The following ST6GAL1 variants were observed in gnomAD, a reference collection of about 807,000 sequenced individuals.
The protein encoded by ST6GAL1 is beta-galactoside alpha-2,6-sialyltransferase 1.
A neutral mutation model predicts 38.0 loss-of-function variants in ST6GAL1; 20 were observed. The observed-to-expected ratio is 0.53, with a 90% confidence interval of 0.37 to 0.77. The LOEUF is 0.77. ST6GAL1 is among the 30% of genes least tolerant of loss of function. The probability of loss-of-function intolerance (pLI) is 0.00; values close to 1 mark genes in which losing one functional copy is unlikely to be tolerated. For missense variants in ST6GAL1, 432 were observed against 496.4 expected (o/e 0.87, Z 1.23); for synonymous variants, 196 against 188.2 (o/e 1.04, Z -0.34).
At chr3:187,045,718 T>C (rs1718270443) in intron 4 of ST6GAL1, among the ~76,000 whole-genome samples, 1 of 152,244 alleles carries the variant, frequency 6.6e-6, no homozygotes. Flanking sequence ...TTGTGCCTCA[T>C]AATAATTGTA....
chr3:187,043,373 G>T (rs940565255), intron 4 of ST6GAL1, 63 bp downstream of exon 4: 2 of 1,557,634 alleles, frequency 1.3e-6, no homozygotes, highest in Non-Finnish European at 8.7e-7. Flanking sequence ...CATATTGATG[G>T]TATGGGAGAC....
intron 2 of ST6GAL1, among the ~76,000 whole-genome samples, chr3:186,991,339 T>C (rs1579302060): frequency 6.6e-6 from 1 of 152,132 alleles, no homozygotes; most frequent in East Asian, 1.9e-4. Context: ...GCTAATTCTC[T>C]GAAAGGTCAT....
At chr3:186,993,274 C>G (rs2108547034) in intron 2 of ST6GAL1, among the ~76,000 whole-genome samples, 1 of 152,348 alleles carries the variant, frequency 6.6e-6, no homozygotes. Context: ...TGATAGTTCA[C>G]TCTCAGAAAC....
At chr3:186,933,471 A>G (rs1397577179) in intron 1 of ST6GAL1, among the ~76,000 whole-genome samples, 1 of 152,236 alleles carries the variant, frequency 6.6e-6, no homozygotes, top group Non-Finnish European at 1.5e-5. Context: ...TACAAGCTAT[A>G]ATACAGTGAG....
At chr3:186,988,213 AGAC>A (rs1373531120) in intron 2 of ST6GAL1, among the ~76,000 whole-genome samples, 1 of 152,216 alleles carries the variant, frequency 6.6e-6, no homozygotes, top group African/African-American at 2.4e-5. Context: ...CTGTTCTCAT[AGAC>A]GACATGGTAA....
intron 2 of ST6GAL1, among the ~76,000 whole-genome samples, chr3:186,999,206 TC>T (rs1294331801): frequency 6.6e-6 from 1 of 152,132 alleles, no homozygotes; most frequent in Admixed American, 6.5e-5. Flanking sequence ...TAAGCCTCTG[TC>T]TAGGGCCGTG....
chr3:186,980,609 A>AG (rs1715665805), intron 2 of ST6GAL1, among the ~76,000 whole-genome samples: 1 of 150,246 alleles, frequency 6.7e-6, no homozygotes, highest in African/African-American at 2.4e-5. Context: ...ATTACAAAAA[A>AG]AAAAAAAAAA....
intron 1 of ST6GAL1, among the ~76,000 whole-genome samples, chr3:186,961,797 A>G (rs893893032): frequency 6.6e-6 from 1 of 152,206 alleles, no homozygotes; most frequent in Non-Finnish European, 1.5e-5. Flanking sequence ...AAGGAAGGAT[A>G]CAAGAGCTGG....
At chr3:187,051,223 C>G (rs758718624) in intron 4 of ST6GAL1, 26 bp from the exon 5 acceptor site, 2 of 1,608,854 alleles carry the variant, frequency 1.2e-6, no homozygotes, top group East Asian at 4.5e-5. Context: ...CTCATCACCT[C>G]TTTTCTGTTT....
chr3:187,058,530 T>A (rs992576095), intron 5 of ST6GAL1, among the ~76,000 whole-genome samples: 13 of 152,198 alleles, frequency 8.5e-5, no homozygotes, highest in African/African-American at 2.7e-4. Flanking sequence ...AATTTTTTTT[T>A]AAGAAAATCA....
chr3:186,981,577 A>C (rs187536182), intron 2 of ST6GAL1, among the ~76,000 whole-genome samples: 2 of 152,252 alleles, frequency 1.3e-5, no homozygotes, highest in African/African-American at 4.8e-5. Context: ...AAGGCACTTC[A>C]TTTTCCTCAG....
At chr3:187,063,568 G>A (rs1307430334) in intron 5 of ST6GAL1, among the ~76,000 whole-genome samples, 2 of 152,208 alleles carry the variant, frequency 1.3e-5, no homozygotes, top group African/African-American at 4.8e-5. Flanking sequence ...AGGATCTGGA[G>A]GTGAGCAGGC....
intron 4 of ST6GAL1, among the ~76,000 whole-genome samples, chr3:187,048,179 G>A (rs963642037): frequency 5.3e-5 from 8 of 152,032 alleles, no homozygotes; most frequent in Admixed American, 1.3e-4. Flanking sequence ...TCCTGACCTC[G>A]TGATCTGCCC....
intron 2 of ST6GAL1, among the ~76,000 whole-genome samples, chr3:186,973,911 G>A (rs1320520664): frequency 1.3e-5 from 2 of 152,192 alleles, no homozygotes; most frequent in African/African-American, 4.8e-5. Flanking sequence ...GTGAACACAT[G>A]AGCCATGGCG....
At chr3:187,020,285 ACT>A (rs2108564072) in intron 2 of ST6GAL1, among the ~76,000 whole-genome samples, 1 of 145,382 alleles carries the variant, frequency 6.9e-6, no homozygotes, top group East Asian at 2.0e-4. Context: ...ACAGAGCGAG[ACT>A]CTGTCTCAAA....
At position 186,990,836 on chromosome 3, in the gene ST6GAL1, A is replaced by G. The variant is rs901786989; in HGVS notation, c.-183+26910A>G. ...CTCAAAAAAGAAAAAAAAAAAGGAT[A>G]TAAACCAGCTTCTGGCATTACCCAG... On this transcript the variant is annotated intron_variant, in intron 2 of 7. Coordinates refer to ENST00000169298, the MANE Select transcript of ST6GAL1 (RefSeq NM_173216.2). Among the ~76,000 whole-genome samples, 18 of 151,700 alleles carry G rather than the reference A, an allele frequency of 1.2e-4. No homozygotes were observed. The South Asian group carries it at 3.5e-3, about 30-fold the overall frequency.
intron 1 of ST6GAL1, among the ~76,000 whole-genome samples, chr3:186,932,446 C>A (rs1713792121): frequency 1.3e-5 from 2 of 152,236 alleles, no homozygotes; most frequent in South Asian, 4.1e-4. Context: ...AAGCTGCACC[C>A]TTCCATTATC....
At chr3:186,970,245 C>T (rs1409005900) in intron 2 of ST6GAL1, among the ~76,000 whole-genome samples, 3 of 145,198 alleles carry the variant, frequency 2.1e-5, no homozygotes, top group Admixed American at 7.0e-5. Flanking sequence ...GACAGAGTTG[C>T]ACTCTGTCAC....
chr3:186,962,884 A>C (rs1176857514), intron 1 of ST6GAL1, among the ~76,000 whole-genome samples: 1 of 152,228 alleles, frequency 6.6e-6, no homozygotes, highest in Non-Finnish European at 1.5e-5. Context: ...TGCAGCCATT[A>C]AAATGATGCT....
Sources: allele counts gnomAD v4.1 joint callset (sites outside exome capture counted in the v4.1 genomes callset), GRCh38; gene constraint gnomAD v4.1.1; transcripts MANE v1.5; gene names NCBI Gene and HGNC (gene_info 2026-07-23, HGNC 2026-07-21).